Variants in ERMN observed in about 807,000 individuals in gnomAD.
ERMN encodes ermin, ERM-like protein.
In ERMN, 17 loss-of-function variants were observed where a neutral mutation model predicts 21.4. The ratio of observed to expected loss-of-function variants is 0.80; its 90% CI spans 0.54 to 1.19. ERMN has a LOEUF of 1.19. Ranked by LOEUF, ERMN falls within the 50% of genes most tolerant of loss-of-function variation. The pLI, the probability that ERMN is intolerant of heterozygous loss-of-function variation, is 0.00. For missense variants in ERMN, 348 were observed against 331.6 expected (o/e 1.05, Z -0.38); for synonymous variants, 115 against 111.9 (o/e 1.03, Z -0.17).
chr2:157,325,375 A>C (rs1684038937), intron 1 of ERMN, 27 bp downstream of exon 1: 1 of 1,610,648 alleles, frequency 6.2e-7, no homozygotes, highest in East Asian at 2.2e-5. Context: ...CAAAACAAGA[A>C]AATTAAGGAG....
upstream of ERMN, chr2:157,327,711 G>GCATTAGCACCT (rs2105193252): frequency 1.9e-6 from 1 of 513,554 alleles, no homozygotes; most frequent in Admixed American, 3.4e-5. Flanking sequence ...AGAGACAGTT[G>GCATTAGCACCT]TGGCCAGGAG....
intron 2 of ERMN, chr2:157,324,211 G>A: frequency 4.1e-6 from 1 of 246,488 alleles, no homozygotes; most frequent in South Asian, 3.7e-5. Context: ...GACAGAGGTT[G>A]CAGTCTGCCG....
In ERMN at chr2:157,325,752, T is replaced by C. The variant is rs1684056039; in HGVS notation, c.-110A>G. 2 of 1,568,734 alleles carry C rather than the reference T, an allele frequency of 1.3e-6. No homozygotes were observed. Among genetic ancestry groups the C allele is most frequent in the Non-Finnish European group, 1.7e-6 (2 of 1,157,644 alleles). ...CAAGTCCTATAGTTCCAACTCCTAC[T>C]CTAAGAGCACAAATTATTCACTTTA... is the stretch of plus-strand genomic sequence containing the variant. On this transcript the variant is annotated 5_prime_UTR_variant, in exon 1 of 3. Coordinates refer to ENST00000410096, the MANE Select transcript of ERMN (RefSeq NM_020711.3).
upstream of ERMN, among the ~76,000 whole-genome samples, chr2:157,327,021 A>G (rs1043648534): frequency 6.6e-6 from 1 of 151,786 alleles, no homozygotes; most frequent in African/African-American, 2.4e-5. Flanking sequence ...TTGGAATAGT[A>G]GCACGCAATA....
Position 157,321,706 on chromosome 2 carries a change from T to A in ERMN, c.420A>T (p.Lys140Asn). The A allele has an allele frequency of 2.5e-6, 4 of 1,614,022 alleles. No individual in the cohort carries two copies. The highest frequency in any genetic ancestry group is 3.4e-6 in the Non-Finnish European group (4 of 1,179,972). The part of the protein sequence containing the change: ...QKERITEQPL[K>N]EEEDEDRKNK... The stretch of plus-strand genomic sequence containing the variant: ...TCTTCCTGTCCTCATCTTCTTCCTC[T>A]TTGAGAGGCTGCTCAGTAATCCTCT... Residue 140 changes from lysine (K) to asparagine (N), a missense_variant, in exon 3 of 3, where the codon AAA (lysine) becomes AAT (asparagine). Transcript: ENST00000410096.
At chr2:157,322,863 CTTTGT>C (rs1253362212) in intron 2 of ERMN, among the ~76,000 whole-genome samples, 3 of 152,078 alleles carry the variant, frequency 2.0e-5, no homozygotes, top group Non-Finnish European at 4.4e-5. Context: ...TAATCTTATG[CTTTGT>C]TTTATTTTGT....
rs1683856083 is a variant in ERMN at position 157,320,452 on chromosome 2, C to A, written c.*819G>T. 1 of 152,510 alleles carries A rather than the reference C, an allele frequency of 6.6e-6. No individual in the cohort carries two copies. The highest frequency in any genetic ancestry group is 2.4e-5 in the African/African-American group (1 of 41,424). 9.4% of individuals were successfully genotyped at this position (152,510 alleles called of 1,614,324 possible). ...GCATTTTCTTAAAATTGTGCTAAAG[C>A]TGTCATTTTTATTTTTAATGACTTT... On this transcript the variant is annotated 3_prime_UTR_variant, in exon 3 of 3. Coordinates refer to ENST00000410096, the MANE Select transcript of ERMN (RefSeq NM_020711.3).
At chr2:157,321,897 CAT>C (rs1396503185) in intron 2 of ERMN, 106 bp from the exon 3 acceptor site, 10 of 965,368 alleles carry the variant, frequency 1.0e-5, no homozygotes, top group Non-Finnish European at 1.3e-5. Flanking sequence ...CTTCCCAACA[CAT>C]GTTTTATGGG....
chr2:157,324,272 C>CAAAA (rs748983472), intron 2 of ERMN: 4 of 94,838 alleles, frequency 4.2e-5, no homozygotes, highest in Admixed American at 1.4e-4. Context: ...CACTCCGTCT[C>CAAAA]AAAAAAAAAA....
At position 157,319,040 on chromosome 2, in the gene ERMN, C is replaced by T. The variant is rs1683796778; in HGVS notation, c.*2231G>A. 6.6e-6 allele frequency: 1 copy of T among 152,184 alleles called. No individual in the cohort carries two copies. The highest frequency in any genetic ancestry group is 2.1e-4 in the South Asian group (1 of 4,838). 9.4% of individuals were successfully genotyped at this position (152,184 alleles called of 1,614,324 possible). ...CTTTGTCTTTCCTAGGTTACAAAGA[C>T]TCAAATGGCCAACCATCACCATTAT... On this transcript the variant is annotated 3_prime_UTR_variant, in exon 3 of 3. Coordinates refer to ENST00000410096, the MANE Select transcript of ERMN (RefSeq NM_020711.3).
Position 157,321,655 on chromosome 2 carries a change from A to G in ERMN, c.471T>C (p.Ile157=), listed in dbSNP as rs757906549. The change falls in exon 3 of 3, where the codon ATT becomes ATC. Residue 157 remains isoleucine, a synonymous_variant. Coordinates refer to ENST00000410096, the MANE Select transcript of ERMN (RefSeq NM_020711.3). ...RKNKGHQAAE[I]EWLGFRKPSQ... Reference sequence around the variant, plus strand: ...TAGGTTTTCGAAATCCCAGCCATTCAATTTCAGCTGCCTGGTGACCTTTGT... The same window carrying G: ...TAGGTTTTCGAAATCCCAGCCATTCGATTTCAGCTGCCTGGTGACCTTTGT... The G allele has an allele frequency of 1.5e-5, 24 of 1,613,870 alleles. No individual in the cohort carries two copies. The highest frequency in any genetic ancestry group is 6.6e-5 in the South Asian group (6 of 91,088).
Position 157,321,281 on chromosome 2 carries a change from A to G in ERMN, c.845T>C (p.Met282Thr), listed in dbSNP as rs1190151644. Residue 282 changes from methionine (M) to threonine (T), a missense_variant, in exon 3 of 3, where the codon ATG becomes ACG. Met to Thr is a moderately conservative substitution (Grantham distance 81). Coordinates refer to ENST00000410096, the MANE Select transcript of ERMN (RefSeq NM_020711.3). ...KQRIDEFESMMHL is the reference protein window; with the variant it reads ...KQRIDEFESMTHL ...TCAGTTCCAGTTAGTTTATAAATGC[A>G]TCATAGACTCGAATTCATCAATTCT... 1.9e-6 allele frequency: 3 copies of G among 1,612,912 alleles called. No individual in the cohort carries two copies. Among genetic ancestry groups the G allele is most frequent in the Non-Finnish European group, 2.5e-6 (3 of 1,179,302 alleles).
chr2:157,325,946 C>T (rs1276806388), upstream of ERMN: 8 of 1,270,316 alleles, frequency 6.3e-6, no homozygotes, highest in Admixed American at 3.5e-5. Flanking sequence ...TTTTGATTTA[C>T]ATAAACAAAC....
chr2:157,322,244 A>ACG (rs762341008), intron 2 of ERMN, among the ~76,000 whole-genome samples: 2 of 126,386 alleles, frequency 1.6e-5, no homozygotes, highest in Admixed American at 1.5e-4. Context: ...ACACACACAC[A>ACG]CGCACACACA....
chr2:157,319,074 A>C lies in ERMN; in HGVS notation c.*2197T>G, dbSNP rs748173072. 1 of 152,202 alleles carries C rather than the reference A, an allele frequency of 6.6e-6. No homozygotes were observed. The highest frequency in any genetic ancestry group is 2.1e-4 in the South Asian group (1 of 4,832). The allele number at this position is 152,202 out of a possible 1,614,324, so 9.4% of individuals were successfully genotyped here. A position where few individuals can be genotyped will look rare whatever the true frequency, so the allele number is the denominator to read the frequency against. On this transcript the variant is annotated 3_prime_UTR_variant, in exon 3 of 3. Transcript: ENST00000410096. ...CCAACCATCACCATTATGTTACCTG[A>C]GGTCACTTAACTCTGTGGCTTTCAA...
chr2:157,319,996 A>G lies in ERMN; in HGVS notation c.*1275T>C, dbSNP rs1026540382. 5 of 152,216 alleles carry G rather than the reference A, an allele frequency of 3.3e-5. No individual in the cohort carries two copies. The highest frequency in any genetic ancestry group is 1.2e-4 in the African/African-American group (5 of 41,472). The allele number at this position is 152,216 out of a possible 1,614,324, so 9.4% of individuals were successfully genotyped here. A position where few individuals can be genotyped will look rare whatever the true frequency, so the allele number is the denominator to read the frequency against. On this transcript the variant is annotated 3_prime_UTR_variant, in exon 3 of 3. Coordinates refer to ENST00000410096, the MANE Select transcript of ERMN (RefSeq NM_020711.3). Reference sequence around the variant, plus strand: ...ATGAAGACTGTATTACATTCAGACAATAAGGAATTGTCTTTTTATTTGCAG... The same window carrying G: ...ATGAAGACTGTATTACATTCAGACAGTAAGGAATTGTCTTTTTATTTGCAG...
At chr2:157,327,250 T>G (rs762097583), upstream of ERMN, 30 of 508,304 alleles carry the variant, frequency 5.9e-5, no homozygotes, top group Admixed American at 1.4e-4. Flanking sequence ...CAGGTCTATA[T>G]CAGGGACAAC....
chr2:157,324,432 G>A (rs1684005008), intron 2 of ERMN, among the ~76,000 whole-genome samples: 1 of 152,176 alleles, frequency 6.6e-6, no homozygotes, highest in Non-Finnish European at 1.5e-5. Context: ...CATCACGTTG[G>A]TATGCCAATC....
At chr2:157,322,828 T>C (rs548095486) in intron 2 of ERMN, among the ~76,000 whole-genome samples, 2 of 152,314 alleles carry the variant, frequency 1.3e-5, no homozygotes, top group East Asian at 3.9e-4. Flanking sequence ...ACATTATCCA[T>C]AAATACACAT....
Sources: allele counts gnomAD v4.1 joint callset (sites outside exome capture counted in the v4.1 genomes callset), GRCh38; gene constraint gnomAD v4.1.1; transcripts MANE v1.5; gene names NCBI Gene and HGNC (gene_info 2026-07-23, HGNC 2026-07-21).